The following DLGAP2 variants were observed in gnomAD, a reference collection of about 807,000 sequenced individuals.
The protein encoded by DLGAP2 is disks large-associated protein 2.
A neutral mutation model predicts 100.3 loss-of-function variants in DLGAP2; 26 were observed. The observed-to-expected ratio is 0.26, with a 90% confidence interval of 0.19 to 0.36. DLGAP2 has a LOEUF of 0.36. DLGAP2 is among the 10% of genes least tolerant of loss of function. The pLI, the probability that DLGAP2 is intolerant of heterozygous loss-of-function variation, is 1.00. For synonymous variants in DLGAP2, 886 were observed against 630.1 expected (o/e 1.41, Z -6.08); for missense variants, 1,858 against 1,453.2 (o/e 1.28, Z -4.53).
intron 8 of DLGAP2, among the ~76,000 whole-genome samples, chr8:1,657,248 T>C (rs1409619979): frequency 6.6e-6 from 1 of 152,256 alleles, no homozygotes; most frequent in Non-Finnish European, 1.5e-5. Context: ...ATTCATCTTC[T>C]TTTTAAGGAC....
chr8:1,204,756 G>A (rs1797954332), intron 2 of DLGAP2, among the ~76,000 whole-genome samples: 1 of 152,112 alleles, frequency 6.6e-6, no homozygotes, highest in African/African-American at 2.4e-5. Context: ...GAGAAAGCAA[G>A]GAAGAGGGAA....
intron 3 of DLGAP2, among the ~76,000 whole-genome samples, chr8:1,325,407 G>T (rs1353474276): frequency 2.0e-5 from 3 of 152,186 alleles, no homozygotes; most frequent in African/African-American, 4.8e-5. Context: ...CCTGGGTGTG[G>T]TCCCCCGACC....
At chr8:1,225,228 C>G (rs763580222) in intron 2 of DLGAP2, among the ~76,000 whole-genome samples, 4 of 152,156 alleles carry the variant, frequency 2.6e-5, no homozygotes, top group Admixed American at 6.5e-5. Context: ...GTACAGACAA[C>G]GGAACATTTC....
chr8:1,288,516 G>A (rs1287363369), intron 3 of DLGAP2, among the ~76,000 whole-genome samples: 1 of 123,214 alleles, frequency 8.1e-6, no homozygotes, highest in East Asian at 2.7e-4. Flanking sequence ...GCATGGTTCT[G>A]TTAGGGGAAC....
chr8:951,334 C>A (rs928898826), intron 2 of DLGAP2, among the ~76,000 whole-genome samples: 4 of 151,264 alleles, frequency 2.6e-5, no homozygotes, highest in African/African-American at 7.3e-5. Flanking sequence ...CAAACTCTGC[C>A]TCCCAGTTCA....
chr8:1,076,212 C>T (rs1192010693), intron 2 of DLGAP2, among the ~76,000 whole-genome samples: 5 of 152,208 alleles, frequency 3.3e-5, no homozygotes, highest in African/African-American at 1.2e-4. Context: ...TCCCCTCACC[C>T]CTGTGCCACC....
chr8:1,134,875 C>A (rs1451927400), intron 2 of DLGAP2, among the ~76,000 whole-genome samples: 1 of 152,134 alleles, frequency 6.6e-6, no homozygotes, highest in African/African-American at 2.4e-5. Flanking sequence ...GGGGAGACCT[C>A]CCTCCGTGAT....
intron 1 of DLGAP2, among the ~76,000 whole-genome samples, chr8:760,284 A>G (rs1056246466): frequency 6.6e-6 from 1 of 152,052 alleles, no homozygotes; most frequent in African/African-American, 2.4e-5. Flanking sequence ...TCTTTCCTGA[A>G]GTCTTCACTG....
At chr8:1,523,439 C>T (rs559331718) in intron 4 of DLGAP2, among the ~76,000 whole-genome samples, 1 of 152,234 alleles carries the variant, frequency 6.6e-6, no homozygotes, top group Non-Finnish European at 1.5e-5. Context: ...CAGCCATGCC[C>T]CCACGCAGAC....
At chr8:1,283,070 C>T (rs7834623) in intron 3 of DLGAP2, among the ~76,000 whole-genome samples, 18,629 of 142,666 alleles carry the variant, frequency 0.13, 159 homozygotes, top group African/African-American at 0.19. Context: ...GAACCCAGCA[C>T]GTGAAGCATC....
intron 3 of DLGAP2, among the ~76,000 whole-genome samples, chr8:1,306,822 G>A (rs908647770): frequency 1.3e-5 from 2 of 152,272 alleles, no homozygotes; most frequent in African/African-American, 2.4e-5. Flanking sequence ...AATAATTTAT[G>A]TTAGAGAAAC....
At chr8:1,488,763 T>C (rs948541509) in intron 3 of DLGAP2, among the ~76,000 whole-genome samples, 1 of 152,194 alleles carries the variant, frequency 6.6e-6, no homozygotes. Context: ...TCTTCTGCAT[T>C]CAGATGCTGT....
intron 3 of DLGAP2, among the ~76,000 whole-genome samples, chr8:1,327,922 T>A (rs564342754): frequency 1.1e-4 from 16 of 152,334 alleles, no homozygotes; most frequent in African/African-American, 3.4e-4. Flanking sequence ...TGGATCTTCC[T>A]CAGACTGTAC....
chr8:886,472 A>T (rs761320063), intron 1 of DLGAP2, among the ~76,000 whole-genome samples: 1 of 152,104 alleles, frequency 6.6e-6, no homozygotes, highest in Non-Finnish European at 1.5e-5. Context: ...TGGGGTGTCT[A>T]TCTGACATCT....
At chr8:1,535,497 T>C (rs73672790) in intron 4 of DLGAP2, among the ~76,000 whole-genome samples, 2,816 of 152,302 alleles carry the variant, frequency 0.018, 89 homozygotes, top group African/African-American at 0.064. Context: ...TGCTGTCAGA[T>C]GGGCATGCCT....
At chr8:928,291 A>C (rs913479504) in intron 2 of DLGAP2, among the ~76,000 whole-genome samples, 1 of 152,052 alleles carries the variant, frequency 6.6e-6, no homozygotes, top group Non-Finnish European at 1.5e-5. Context: ...ACCGAGGTTG[A>C]GTGTGTGTTC....
At chr8:1,152,492 A>C (rs1275325463) in intron 2 of DLGAP2, among the ~76,000 whole-genome samples, 1 of 152,220 alleles carries the variant, frequency 6.6e-6, no homozygotes, top group Non-Finnish European at 1.5e-5. Context: ...GGTCATAGTG[A>C]AATAGGAAAA....
intron 2 of DLGAP2, among the ~76,000 whole-genome samples, chr8:1,040,141 GCTGCAC>G (rs1802286732): frequency 4.3e-5 from 6 of 139,310 alleles, no homozygotes; most frequent in South Asian, 2.4e-4. Flanking sequence ...TGGTCAGCTC[GCTGCAC>G]GTGTTCGGCT....
At chr8:1,688,147 C>T (rs972944501) in intron 12 of DLGAP2, 1 of 152,296 alleles carries the variant, frequency 6.6e-6, no homozygotes, top group Non-Finnish European at 1.5e-5. Context: ...CTCCCCTCAC[C>T]CCCAGACTCA....
Sources: gnomAD v4.1 joint callset for allele counts (sites outside exome capture counted in the v4.1 genomes callset) on GRCh38, gnomAD v4.1.1 for gene constraint, MANE v1.5 for transcripts, NCBI Gene and HGNC (gene_info 2026-07-23, HGNC 2026-07-21) for gene names.